SHTN1: variants seen among roughly 807,000 people sequenced by gnomAD.
The protein encoded by SHTN1 is shootin-1.
SHTN1 carries 42 observed loss-of-function variants against 83.1 expected under a neutral mutation model. That is an observed-to-expected ratio of 0.51 (90% CI 0.39 to 0.65). The LOEUF (loss-of-function observed/expected upper bound fraction) is 0.65. Among genes scored for constraint, SHTN1 ranks in the 30% least tolerant of loss-of-function variants. The pLI is 0.00. For synonymous variants in SHTN1, 224 were observed against 247.7 expected (o/e 0.90, Z 0.90); for missense variants, 622 against 737.8 (o/e 0.84, Z 1.82).
In SHTN1 at chr10:116,915,411, A is replaced by C. The variant is rs1470924642; in HGVS notation, c.1269T>G (p.Leu423=). 2 of 1,609,954 alleles carry C rather than the reference A, an allele frequency of 1.2e-6. No homozygotes were observed. The highest frequency in any genetic ancestry group is 1.7e-6 in the Non-Finnish European group (2 of 1,176,396). The change falls in exon 13 of 17, where the codon CTT becomes CTG. Residue 423 remains leucine (L), a synonymous_variant. Transcript: ENST00000355371. ...GTCTGGCTGTCTGATTAACGGGTCT[A>C]AGATGAACTCCCTTTTTAATTCTAT... is the stretch of plus-strand genomic sequence containing the variant. ...MMDRIKKGVH[L]RPVNQTARPK...
chr10:116,904,594 T>C (rs1273307495), intron 15 of SHTN1, among the ~76,000 whole-genome samples: 1 of 152,216 alleles, frequency 6.6e-6, no homozygotes, highest in Non-Finnish European at 1.5e-5. Flanking sequence ...ATGTATTTTC[T>C]ATTCTAACTG....
intron 7 of SHTN1, among the ~76,000 whole-genome samples, chr10:116,948,488 C>G (rs569074566): frequency 6.6e-6 from 1 of 152,270 alleles, no homozygotes; most frequent in East Asian, 1.9e-4. Context: ...TCTTACTTTC[C>G]TTTATCCCTT....
intron 1 of SHTN1, among the ~76,000 whole-genome samples, chr10:117,093,215 T>C (rs1175479138): frequency 2.0e-5 from 3 of 152,128 alleles, no homozygotes; most frequent in Non-Finnish European, 2.9e-5. Flanking sequence ...CCCAGATACA[T>C]ACAATTAGAA....
At position 116,952,009 on chromosome 10, in the gene SHTN1, G is replaced by T. The variant is rs1454516353; in HGVS notation, c.437-3C>A. 2 of 1,457,204 alleles carry T rather than the reference G, an allele frequency of 1.4e-6. No homozygotes were observed. Among genetic ancestry groups the T allele is most frequent in the African/African-American group, 1.4e-5 (1 of 69,978 alleles). 90.3% of individuals were successfully genotyped at this position (1,457,204 alleles called of 1,614,324 possible). A position where few individuals can be genotyped will look rare whatever the true frequency, so the allele number is the denominator to read the frequency against. ...AGATACAATTTGATCTCGAAGTTCT[G>T]CATTTTTAAAGAAAAAAAATATATA... is the stretch of plus-strand genomic sequence containing the variant. On this transcript the variant is annotated splice_polypyrimidine_tract_variant and splice_region_variant and intron_variant, in intron 5 of 16. Coordinates refer to ENST00000355371, the MANE Select transcript of SHTN1 (RefSeq NM_001127211.3).
At chr10:117,105,958 G>T (rs1209089384) in intron 1 of SHTN1, among the ~76,000 whole-genome samples, 1 of 151,944 alleles carries the variant, frequency 6.6e-6, no homozygotes, top group Non-Finnish European at 1.5e-5. Flanking sequence ...AGGCTGAGGT[G>T]AACCATGTTC....
rs116806483 is a variant in SHTN1, at chr10:117,054,824, C to T, written c.-188-6314G>A. 6.7e-3 allele frequency among the ~76,000 whole-genome samples: 1,024 copies of T among 152,150 alleles called. 13 individuals carry two copies. Among genetic ancestry groups the T allele is most frequent in the African/African-American group, 0.024 (986 of 41,516 alleles). On this transcript the variant is annotated intron_variant, in intron 1 of 17. Coordinates refer to the SHTN1 transcript ENST00000392901. ...AATCCACCTATAGCGTGTAAGACTC[C>T]GCTTCAAGATATCCCACCTTTTCAG...
chr10:117,065,798 A>G (rs1369929531), intron 1 of SHTN1, among the ~76,000 whole-genome samples: 31 of 25,626 alleles, frequency 1.2e-3, no homozygotes, highest in Non-Finnish European at 1.6e-3. Context: ...GGAAGGAAGG[A>G]AGGAAGGAAG....
At chr10:117,048,754 G>A (rs1852702358) in intron 1 of SHTN1, among the ~76,000 whole-genome samples, 2 of 152,140 alleles carry the variant, frequency 1.3e-5, no homozygotes, top group African/African-American at 4.8e-5. Context: ...ATTCTTTACT[G>A]TAAACCTAAC....
At position 117,086,533 on chromosome 10, in the gene SHTN1, C is replaced by A. The variant is rs183747400; in HGVS notation, c.-188-38023G>T. Among the ~76,000 whole-genome samples the A allele has an allele frequency of 2.3e-3, 345 of 152,208 alleles. 2 individuals are homozygous for A. The highest frequency in any genetic ancestry group is 7.6e-3 in the African/African-American group (316 of 41,548). ...TGTTCTTTCTTTTTTGTTCTCCATT[C>A]TTTTCTGCCTTCTCTGGTTTTAATT... On this transcript the variant is annotated intron_variant, in intron 1 of 17. Coordinates refer to the SHTN1 transcript ENST00000392901.
rs544511869 is a variant in SHTN1, at chr10:116,893,372, T to C, written c.1674-6806A>G. 2.4e-3 allele frequency among the ~76,000 whole-genome samples: 362 copies of C among 152,214 alleles called. 3 individuals carry two copies. Among genetic ancestry groups the C allele is most frequent in the African/African-American group, 8.2e-3 (340 of 41,528 alleles). The stretch of plus-strand genomic sequence containing the variant: ...AGCAGCGCTTTGCTGAACAGAGCTG[T>C]TTCCTGCAGTGTCAGTACACAATTC... On this transcript the variant is annotated intron_variant, in intron 16 of 16. Transcript: ENST00000355371.
chr10:116,991,835 A>G (rs1465276058), intron 1 of SHTN1, among the ~76,000 whole-genome samples: 1 of 152,080 alleles, frequency 6.6e-6, no homozygotes, highest in East Asian at 1.9e-4. Context: ...ATTCGAGGGG[A>G]AAAATGATTT....
chr10:116,896,897 C>A (rs936371077), intron 16 of SHTN1, among the ~76,000 whole-genome samples: 4 of 151,670 alleles, frequency 2.6e-5, no homozygotes, highest in African/African-American at 9.7e-5. Context: ...ACCTCCACCT[C>A]CTGGGTTCAA....
chr10:117,076,646 T>C (rs970530843), intron 1 of SHTN1, among the ~76,000 whole-genome samples: 1 of 152,240 alleles, frequency 6.6e-6, no homozygotes, highest in Non-Finnish European at 1.5e-5. Context: ...CCAAGAGATT[T>C]CATCATTTCA....
At chr10:116,992,627 T>C (rs1851480547) in intron 1 of SHTN1, among the ~76,000 whole-genome samples, 6 of 152,170 alleles carry the variant, frequency 3.9e-5, no homozygotes, top group Admixed American at 3.9e-4. Context: ...AGATACACAT[T>C]CCCTAACTAG....
chr10:116,999,652 C>G (rs1314876465), intron 1 of SHTN1, among the ~76,000 whole-genome samples: 1 of 152,152 alleles, frequency 6.6e-6, no homozygotes, highest in African/African-American at 2.4e-5. Flanking sequence ...CGGTGGCTCA[C>G]GCCTGTAATC....
intron 1 of SHTN1, among the ~76,000 whole-genome samples, chr10:117,120,086 A>T (rs1853901957): frequency 6.6e-6 from 1 of 152,192 alleles, no homozygotes; most frequent in South Asian, 2.1e-4. Context: ...TACAAAAAAA[A>T]TAGGAAGAAT....
At chr10:116,894,302 T>G (rs1341922794) in intron 16 of SHTN1, among the ~76,000 whole-genome samples, 1 of 152,206 alleles carries the variant, frequency 6.6e-6, no homozygotes, top group Non-Finnish European at 1.5e-5. Flanking sequence ...TCACTGGAAA[T>G]GAACATTTTC....
chr10:117,118,475 T>C (rs1853882271), intron 1 of SHTN1, among the ~76,000 whole-genome samples: 1 of 151,346 alleles, frequency 6.6e-6, no homozygotes, highest in East Asian at 1.9e-4. Context: ...ATAGTCACTA[T>C]GAAAAATAGT....
chr10:117,119,032 C>A (rs1251176989), intron 1 of SHTN1, among the ~76,000 whole-genome samples: 1 of 152,090 alleles, frequency 6.6e-6, no homozygotes, highest in African/African-American at 2.4e-5. Context: ...ATTTGCAGCA[C>A]CATGGGTGGA....
Sources: gnomAD v4.1 joint callset for allele counts (sites outside exome capture counted in the v4.1 genomes callset) on GRCh38, gnomAD v4.1.1 for gene constraint, MANE v1.5 for transcripts, NCBI Gene and HGNC (gene_info 2026-07-23, HGNC 2026-07-21) for gene names.